The following SDK1 variants were observed in gnomAD, a reference collection of about 807,000 sequenced individuals.
SDK1 encodes sidekick cell adhesion molecule 1, also known as protein sidekick-1.
Under a neutral mutation model 245.5 loss-of-function variants are expected in SDK1, and 157 were observed. The ratio of observed to expected loss-of-function variants is 0.64; its 90% CI spans 0.56 to 0.73. The LOEUF (loss-of-function observed/expected upper bound fraction) is 0.73. SDK1 is among the 30% of genes least tolerant of loss of function. SDK1 has a pLI of 0.00. For synonymous variants in SDK1, 1,647 were observed against 1,278.5 expected (o/e 1.29, Z -6.15); for missense variants, 3,583 against 3,002.3 (o/e 1.19, Z -4.52).
In SDK1 at chr7:3,987,353, A is replaced by T. The variant is rs777852659; in HGVS notation, c.2131+31A>T. 5 of 1,610,016 alleles carry T rather than the reference A, an allele frequency of 3.1e-6. No homozygotes were observed. In the Admixed American group the frequency reaches 8.4e-5, roughly 27 times the overall value. On this transcript the variant is annotated intron_variant, in intron 14 of 44. Transcript: ENST00000404826. ...TAGCAAAATGAAACTGTCACCATGG[A>T]CGATAATCAGATTTTTGTGTGTGCT...
rs557373378 is a variant in SDK1 at position 3,386,512 on chromosome 7, C to A, written c.298+84628C>A. 2.6e-4 allele frequency among the ~76,000 whole-genome samples: 40 copies of A among 152,294 alleles called. No individual in the cohort carries two copies. The South Asian group carries it at 8.1e-3, about 31-fold the overall frequency. ...GTCTAGAAGTAATTTCTAGTTTCTC[C>A]TAGGCTACTCATGATGTTTGAATTA... is the stretch of plus-strand genomic sequence containing the variant. On this transcript the variant is annotated intron_variant, in intron 1 of 44. Coordinates refer to ENST00000404826, the MANE Select transcript of SDK1 (RefSeq NM_152744.4).
chr7:3,490,848 G>C (rs149997446), intron 1 of SDK1, among the ~76,000 whole-genome samples: 2 of 152,202 alleles, frequency 1.3e-5, no homozygotes, highest in East Asian at 1.9e-4. Context: ...CCCTTTTCTT[G>C]GGTGTTCTTG....
intron 17 of SDK1, among the ~76,000 whole-genome samples, chr7:4,035,879 TGGG>T (rs1788173067): frequency 6.6e-6 from 1 of 152,146 alleles, no homozygotes; most frequent in Non-Finnish European, 1.5e-5. Flanking sequence ...TAGTTAAAGA[TGGG>T]AAAATTTACA....
At chr7:3,865,652 G>C (rs1315561524) in intron 5 of SDK1, among the ~76,000 whole-genome samples, 1 of 151,896 alleles carries the variant, frequency 6.6e-6, no homozygotes, top group Non-Finnish European at 1.5e-5. Context: ...GGGACTACAG[G>C]TGTGTACCAC....
rs537408169 is a variant in SDK1, at chr7:4,111,841, T to C, written c.3434+1069T>C. Among the ~76,000 whole-genome samples, 4 of 152,328 alleles carry C rather than the reference T, an allele frequency of 2.6e-5. No individual in the cohort carries two copies. The South Asian group carries it at 6.2e-4, about 24-fold the overall frequency. On this transcript the variant is annotated intron_variant, in intron 23 of 44. Transcript: ENST00000404826. ...TAGTATGTAAATTGAATTCAAATAA[T>C]TGTTTATGTATGTGTAAAGAAGAGA...
In SDK1 at chr7:3,597,532, T is replaced by C. The variant is rs78125955; in HGVS notation, c.299-21548T>C. Among the ~76,000 whole-genome samples the C allele has an allele frequency of 7.9e-5, 12 of 152,242 alleles. No homozygotes were observed. In the East Asian group the frequency reaches 2.3e-3, roughly 29 times the overall value. On this transcript the variant is annotated intron_variant, in intron 1 of 44. Coordinates refer to ENST00000404826, the MANE Select transcript of SDK1 (RefSeq NM_152744.4). ...TTACTTCAGGTTGCTTTTTCGAAAG[T>C]GTTAGAGAGAACTTCCTTATTATGC...
chr7:3,850,570 C>T (rs1372872228), intron 5 of SDK1, among the ~76,000 whole-genome samples: 2 of 152,132 alleles, frequency 1.3e-5, no homozygotes, highest in African/African-American at 4.8e-5. Context: ...ATGTTTATTG[C>T]AGCACTATTC....
At chr7:3,838,447 G>C (rs904983986) in intron 5 of SDK1, among the ~76,000 whole-genome samples, 2 of 152,364 alleles carry the variant, frequency 1.3e-5, no homozygotes, top group Middle Eastern at 3.4e-3. Context: ...GAGGCAGTCA[G>C]CTGAGGCATT....
chr7:4,060,519 T>G (rs938987106), intron 19 of SDK1, among the ~76,000 whole-genome samples: 10 of 152,094 alleles, frequency 6.6e-5, no homozygotes, highest in African/African-American at 2.2e-4. Context: ...TTGTTTGAGT[T>G]CATTGTAGAT....
chr7:4,139,047 C>T (rs527477858), intron 28 of SDK1, among the ~76,000 whole-genome samples: 2 of 152,364 alleles, frequency 1.3e-5, no homozygotes, highest in South Asian at 4.1e-4. Context: ...CACACTGCAG[C>T]TCCCCCCGTG....
chr7:4,066,215 A>C (rs566549450), intron 19 of SDK1, among the ~76,000 whole-genome samples: 1 of 151,900 alleles, frequency 6.6e-6, no homozygotes, highest in Non-Finnish European at 1.5e-5. Flanking sequence ...CTTTGTCGCT[A>C]TGTTTCTCCT....
chr7:3,359,789 C>CT (rs200671795), intron 1 of SDK1, among the ~76,000 whole-genome samples: 3 of 152,122 alleles, frequency 2.0e-5, no homozygotes, highest in African/African-American at 7.2e-5. Flanking sequence ...GGGGATGTGA[C>CT]ATTCCAGGGC....
chr7:4,123,229 A>G (rs927709952), intron 25 of SDK1, among the ~76,000 whole-genome samples: 7 of 152,212 alleles, frequency 4.6e-5, no homozygotes, highest in African/African-American at 1.4e-4. Context: ...TTTTGCAGAC[A>G]GGGACAGAGG....
rs1028382268 is a variant in SDK1, at chr7:3,974,705, GT to G, written c.1994+167del. The G allele has an allele frequency of 3.4e-5, 20 of 595,716 alleles. No homozygotes were observed. In the East Asian group the frequency reaches 4.4e-4, roughly 13 times the overall value. 36.9% of individuals were successfully genotyped at this position (595,716 alleles called of 1,614,324 possible). On this transcript the variant is annotated intron_variant, in intron 13 of 44. Transcript: ENST00000404826. Reference sequence around the variant, plus strand: ...CTGCATAACTACATATATGGACAAGGTTTTTTTGTGGTTTCTTTCAACTTCG... The same window carrying G: ...CTGCATAACTACATATATGGACAAGGTTTTTTGTGGTTTCTTTCAACTTCG...
chr7:4,060,319 C>A (rs1348486364), intron 19 of SDK1, among the ~76,000 whole-genome samples: 1 of 152,074 alleles, frequency 6.6e-6, no homozygotes, highest in African/African-American at 2.4e-5. Flanking sequence ...TAGTGATACA[C>A]CTCAAGGACA....
intron 4 of SDK1, among the ~76,000 whole-genome samples, chr7:3,709,037 T>C (rs1333115585): frequency 4.6e-5 from 7 of 152,220 alleles, no homozygotes; most frequent in Non-Finnish European, 8.8e-5. Context: ...ATAGGCCCTG[T>C]GGCTATTATG....
At chr7:3,665,512 C>T (rs1008126276) in intron 4 of SDK1, among the ~76,000 whole-genome samples, 2 of 152,194 alleles carry the variant, frequency 1.3e-5, no homozygotes, top group African/African-American at 4.8e-5. Context: ...GCACACCACA[C>T]ATATTGATGT....
At chr7:3,633,525 G>A (rs1000812900) in intron 2 of SDK1, among the ~76,000 whole-genome samples, 2 of 152,098 alleles carry the variant, frequency 1.3e-5, no homozygotes, top group South Asian at 2.1e-4. Context: ...ACAGGTAAAT[G>A]TGTCCCAGTT....
chr7:3,381,222 G>A (rs906848120), intron 1 of SDK1, among the ~76,000 whole-genome samples: 1 of 152,166 alleles, frequency 6.6e-6, no homozygotes. Context: ...AGAACGAGGG[G>A]CAAGTGGGAG....
Sources: allele counts gnomAD v4.1 joint callset (sites outside exome capture counted in the v4.1 genomes callset), GRCh38; gene constraint gnomAD v4.1.1; transcripts MANE v1.5; gene names NCBI Gene and HGNC (gene_info 2026-07-23, HGNC 2026-07-21).